The following ATP8A2 variants were observed in gnomAD, a reference collection of about 807,000 sequenced individuals.
The protein encoded by ATP8A2 is phospholipid-transporting ATPase IB.
In ATP8A2, 100 loss-of-function variants were observed where a neutral mutation model predicts 165.6. The ratio of observed to expected loss-of-function variants is 0.60; its 90% CI spans 0.51 to 0.71. The LOEUF (loss-of-function observed/expected upper bound fraction) is 0.71. ATP8A2 is among the 30% of genes least tolerant of loss of function. The pLI is 0.00. For synonymous variants in ATP8A2, 543 were observed against 548.8 expected, an observed-to-expected ratio of 0.99 and a Z score of 0.15; for missense variants, 1,227 against 1,479.5, an observed-to-expected ratio of 0.83 and a Z score of 2.80.
chr13:25,403,750 A>G (rs2033712215), intron 1 of ATP8A2, among the ~76,000 whole-genome samples: 1 of 152,242 alleles, frequency 6.6e-6, no homozygotes, highest in Non-Finnish European at 1.5e-5. Flanking sequence ...CTGGCCTGCC[A>G]ACTTAATTCC....
intron 34 of ATP8A2, among the ~76,000 whole-genome samples, chr13:25,964,576 T>C (rs1310123671): frequency 6.6e-6 from 1 of 152,232 alleles, no homozygotes; most frequent in Non-Finnish European, 1.5e-5. Flanking sequence ...CTTCTTCCCA[T>C]GCACTGAACA....
chr13:25,739,409 G>A (rs908875317), intron 25 of ATP8A2, among the ~76,000 whole-genome samples: 2 of 152,226 alleles, frequency 1.3e-5, no homozygotes, highest in Admixed American at 6.5e-5. Flanking sequence ...AAGGTTTAAA[G>A]AAGGAAACCT....
At chr13:25,649,692 CTT>C (rs953664960) in intron 24 of ATP8A2, among the ~76,000 whole-genome samples, 2 of 152,082 alleles carry the variant, frequency 1.3e-5, no homozygotes, top group African/African-American at 2.4e-5. Flanking sequence ...GCACAACTAG[CTT>C]TCCATTTTGC....
At chr13:25,770,467 C>G (rs948144065) in intron 26 of ATP8A2, among the ~76,000 whole-genome samples, 1 of 152,150 alleles carries the variant, frequency 6.6e-6, no homozygotes, top group African/African-American at 2.4e-5. Flanking sequence ...GCATTCCCGG[C>G]TCACTGGCTA....
intron 1 of ATP8A2, among the ~76,000 whole-genome samples, chr13:25,388,626 G>T (rs1052250951): frequency 6.6e-6 from 1 of 152,164 alleles, no homozygotes; most frequent in African/African-American, 2.4e-5. Context: ...TAACATAACC[G>T]ATCAGGTCAG....
chr13:25,649,277 C>T (rs1301175493), intron 24 of ATP8A2, among the ~76,000 whole-genome samples: 2 of 152,136 alleles, frequency 1.3e-5, no homozygotes, highest in Non-Finnish European at 2.9e-5. Flanking sequence ...ACCTTGAATT[C>T]ACATGGGGCA....
chr13:25,709,045 G>A (rs2043107941), intron 25 of ATP8A2, among the ~76,000 whole-genome samples: 1 of 152,178 alleles, frequency 6.6e-6, no homozygotes, highest in Admixed American at 6.5e-5. Flanking sequence ...ACTGAGCTCT[G>A]TGAGAGTCCC....
Position 26,020,823 on chromosome 13 carries a change from G to T in ATP8A2, c.*838G>T, listed in dbSNP as rs1957071592. 2 of 152,250 alleles carry T rather than the reference G, an allele frequency of 1.3e-5. No individual in the cohort carries two copies. Among genetic ancestry groups the T allele is most frequent in the South Asian group, 4.1e-4 (2 of 4,838 alleles). 9.4% of individuals were successfully genotyped at this position (152,250 alleles called of 1,614,324 possible). A position where few individuals can be genotyped will look rare whatever the true frequency, so the allele number is the denominator to read the frequency against. On this transcript the variant is annotated 3_prime_UTR_variant, in exon 37 of 37. Transcript: ENST00000381655. Reference sequence around the variant, plus strand: ...CTTCTTCCACCGCCCTTCTCGTTCTGTAAAGAAAGAAAAGAAACATAGCCT... The same window carrying T: ...CTTCTTCCACCGCCCTTCTCGTTCTTTAAAGAAAGAAAAGAAACATAGCCT...
At chr13:25,481,094 G>A (rs1402148946) in intron 2 of ATP8A2, among the ~76,000 whole-genome samples, 1 of 150,716 alleles carries the variant, frequency 6.6e-6, no homozygotes, top group East Asian at 1.9e-4. Context: ...TCAGTGAGCC[G>A]AGATGGCAGC....
Position 25,953,387 on chromosome 13 carries a change from C to T in ATP8A2, c.3184-8188C>T, listed in dbSNP as rs1359310. ...TATGGGAAGTTCTGGCACAGAGTGA[C>T]GCACGAAGAAATTTGAGCTTCCTTC... On this transcript the variant is annotated intron_variant, in intron 33 of 36. Coordinates refer to ENST00000381655, the MANE Select transcript of ATP8A2 (RefSeq NM_016529.6). This position sits in a 1 kb window ranked among gnomAD's most constrained non-coding sequence, Gnocchi z 6.7. 0.12 allele frequency among the ~76,000 whole-genome samples: 18,928 copies of T among 151,716 alleles called. 2,900 individuals carry two copies. Among genetic ancestry groups the T allele is most frequent in the African/African-American group, 0.37 (15,130 of 41,264 alleles).
intron 1 of ATP8A2, among the ~76,000 whole-genome samples, chr13:25,402,905 C>T (rs1232671603): frequency 6.6e-6 from 1 of 152,192 alleles, no homozygotes; most frequent in African/African-American, 2.4e-5. Context: ...CAGCCAGATT[C>T]AGTTTCCGAT....
chr13:25,845,908 G>T (rs929860236), intron 30 of ATP8A2, among the ~76,000 whole-genome samples: 2 of 152,224 alleles, frequency 1.3e-5, no homozygotes, highest in African/African-American at 2.4e-5. Context: ...GGGCACGGTG[G>T]CTCATGCCTG....
In ATP8A2 at chr13:25,574,853, TC is replaced by T; in HGVS notation, c.1709del (p.Ser570LeufsTer9). The T allele has an allele frequency of 6.5e-7, 1 of 1,527,876 alleles. No homozygotes were observed. The highest frequency in any genetic ancestry group is 9.1e-7 in the Non-Finnish European group (1 of 1,103,464). 94.6% of individuals were successfully genotyped at this position (1,527,876 alleles called of 1,614,324 possible). On this transcript the variant is annotated frameshift_variant, in exon 19 of 37. Transcript: ENST00000381655. LOFTEE classifies it high-confidence loss of function. Reference sequence around the variant, plus strand: ...CGGAATCCTTAATGTCCTGGAATTTTCTAGGTATGTTTCTCTTTCATACGTT... The same window carrying T: ...CGGAATCCTTAATGTCCTGGAATTTTTAGGTATGTTTCTCTTTCATACGTT... Reference protein sequence around the residue: ...TFGILNVLEFSSDRKRMSVIV... With the variant: ...TFGILNVLEFXSDRKRMSVIV...
intron 25 of ATP8A2, among the ~76,000 whole-genome samples, chr13:25,720,687 A>T (rs972978141): frequency 2.6e-5 from 4 of 152,122 alleles, no homozygotes; most frequent in African/African-American, 9.7e-5. Context: ...AAACCTCAGA[A>T]CCATGTGCAT....
intron 25 of ATP8A2, among the ~76,000 whole-genome samples, chr13:25,745,480 C>G (rs2044011253): frequency 6.6e-6 from 1 of 152,164 alleles, no homozygotes; most frequent in Admixed American, 6.5e-5. Flanking sequence ...AACGACTGGA[C>G]ATGGACATTT....
chr13:25,984,244 A>T (rs541128557), intron 35 of ATP8A2, among the ~76,000 whole-genome samples: 3 of 151,972 alleles, frequency 2.0e-5, no homozygotes, highest in Non-Finnish European at 4.4e-5. Flanking sequence ...CTCAAAAAAA[A>T]AAAGTTATCC....
At chr13:25,729,406 A>G (rs978561454) in intron 25 of ATP8A2, among the ~76,000 whole-genome samples, 1 of 152,160 alleles carries the variant, frequency 6.6e-6, no homozygotes. Flanking sequence ...TGTGGCACAT[A>G]TTTTCGTATG....
chr13:25,817,350 TG>T (rs71741165), intron 27 of ATP8A2, among the ~76,000 whole-genome samples: 6,310 of 105,586 alleles, frequency 0.06, 476 homozygotes, highest in African/African-American at 0.18. Flanking sequence ...TGGTCTTTTA[TG>T]GGGGGGGGGG....
intron 35 of ATP8A2, among the ~76,000 whole-genome samples, chr13:25,974,752 C>T (rs113621161): frequency 0.084 from 12,854 of 152,128 alleles, 1,499 homozygotes; most frequent in African/African-American, 0.27. Context: ...CAGACTCGCT[C>T]TCAGTGTCCA....
Sources: allele counts gnomAD v4.1 joint callset (sites outside exome capture counted in the v4.1 genomes callset), GRCh38; gene constraint gnomAD v4.1.1; non-coding constraint Gnocchi (gnomAD v3.1); transcripts MANE v1.5; gene names NCBI Gene and HGNC (gene_info 2026-07-23, HGNC 2026-07-21).